The following SH3GL3 variants were observed in gnomAD, a reference collection of about 807,000 sequenced individuals.
SH3GL3 encodes SH3 domain containing GRB2 like 3, endophilin A3, also known as endophilin-A3.
SH3GL3 carries 33 observed loss-of-function variants against 47.7 expected under a neutral mutation model. That is an observed-to-expected ratio of 0.69 (90% CI 0.52 to 0.92). SH3GL3 has a LOEUF of 0.92. Among genes scored for constraint, SH3GL3 ranks in the 40% least tolerant of loss-of-function variants. The probability of loss-of-function intolerance (pLI) is 0.00; values close to 1 mark genes in which losing one functional copy is unlikely to be tolerated. For synonymous variants in SH3GL3, 155 were observed against 148.8 expected (o/e 1.04, Z -0.30); for missense variants, 363 against 417.8 (o/e 0.87, Z 1.14).
At chr15:83,555,134 C>T (rs550758278) in intron 1 of SH3GL3, among the ~76,000 whole-genome samples, 129 of 152,092 alleles carry the variant, frequency 8.5e-4, no homozygotes, top group African/African-American at 2.8e-3. Context: ...TTCCTGATTG[C>T]GCCCAGGCTG....
At chr15:83,497,819 G>A (rs2042141108) in intron 1 of SH3GL3, among the ~76,000 whole-genome samples, 1 of 152,180 alleles carries the variant, frequency 6.6e-6, no homozygotes, top group African/African-American at 2.4e-5. Context: ...GCAGGCATTT[G>A]TGTCTTTATT....
At chr15:83,583,611 A>G (rs769897561) in intron 6 of SH3GL3, among the ~76,000 whole-genome samples, 1 of 152,172 alleles carries the variant, frequency 6.6e-6, no homozygotes, top group Non-Finnish European at 1.5e-5. Context: ...CCCCAGGACT[A>G]AGATACTCCC....
intron 8 of SH3GL3, among the ~76,000 whole-genome samples, chr15:83,613,572 T>A (rs2060727462): frequency 6.6e-6 from 1 of 152,110 alleles, no homozygotes; most frequent in Admixed American, 6.5e-5. Flanking sequence ...CACTAAGCAT[T>A]TTGGTCATTG....
chr15:83,465,637 G>T (rs1342021143), intron 1 of SH3GL3, among the ~76,000 whole-genome samples: 1 of 151,870 alleles, frequency 6.6e-6, no homozygotes, highest in Non-Finnish European at 1.5e-5. Flanking sequence ...ACAGATTAAG[G>T]TCTCCTTTTA....
chr15:83,527,012 T>C (rs778196469), intron 1 of SH3GL3, among the ~76,000 whole-genome samples: 1 of 152,218 alleles, frequency 6.6e-6, no homozygotes, highest in Non-Finnish European at 1.5e-5. Flanking sequence ...CTTTTTCAGC[T>C]ATTTATTATA....
rs71156085 is a variant in SH3GL3, at chr15:83,541,312, A to AT, written c.46-17902dup. 1.4e-3 allele frequency among the ~76,000 whole-genome samples: 67 copies of AT among 47,360 alleles called. 21 individuals carry two copies. Among genetic ancestry groups the AT allele is most frequent in the South Asian group, 2.9e-3 (2 of 694 alleles). The allele number at this position is 47,360 out of a possible 152,430, so 31.1% of individuals were successfully genotyped here. On this transcript the variant is annotated intron_variant, in intron 1 of 8. Transcript: ENST00000427482. ...GATGGCTGGATCATATGGTAATTCT[A>AT]TTTTTTTTTTTTTTTTTTTTTTTTT... is the stretch of plus-strand genomic sequence containing the variant.
chr15:83,488,473 G>A (rs1164860927), intron 1 of SH3GL3, among the ~76,000 whole-genome samples: 1 of 152,202 alleles, frequency 6.6e-6, no homozygotes, highest in Admixed American at 6.5e-5. Context: ...AGGCTTTTGT[G>A]GAGGAGCAGT....
At position 83,576,737 on chromosome 15, in the gene SH3GL3, A is replaced by T; in HGVS notation, c.620A>T (p.Asn207Ile). 2 of 1,596,248 alleles carry T rather than the reference A, an allele frequency of 1.3e-6. No individual in the cohort carries two copies. The highest frequency in any genetic ancestry group is 1.7e-6 in the Non-Finnish European group (2 of 1,168,760). The change falls in exon 6 of 9, where the codon AAT becomes ATT. Residue 207 changes from asparagine to isoleucine, a missense_variant. By Grantham distance (149) the Asn-to-Ile change is moderately radical. Coordinates refer to ENST00000427482, the MANE Select transcript of SH3GL3 (RefSeq NM_003027.5). ...AGAAGCATGTTTAACTTTTTAGAAA[A>T]TGATGTAAGTATTTAAACCAAATAG... Reference protein sequence around the residue: ...AERSMFNFLENDVEQVSQLAV... With the variant: ...AERSMFNFLEIDVEQVSQLAV...
intron 1 of SH3GL3, among the ~76,000 whole-genome samples, chr15:83,529,741 T>C (rs1326050522): frequency 1.3e-5 from 2 of 151,560 alleles, no homozygotes; most frequent in Non-Finnish European, 1.5e-5. Context: ...TGGCTGTTAG[T>C]GGGAGTGACC....
At chr15:83,520,276 A>G (rs2043151591) in intron 1 of SH3GL3, among the ~76,000 whole-genome samples, 1 of 152,240 alleles carries the variant, frequency 6.6e-6, no homozygotes, top group African/African-American at 2.4e-5. Context: ...GGGGAGAGAC[A>G]CTATATCTTC....
Position 83,463,326 on chromosome 15 carries a change from C to T in SH3GL3, c.45+15748C>T, listed in dbSNP as rs532436540. Among the ~76,000 whole-genome samples the T allele has an allele frequency of 1.8e-4, 27 of 152,004 alleles. No homozygotes were observed. The South Asian group carries it at 2.5e-3, about 14-fold the overall frequency. ...AATGGCATCTCCACCAATGAACTGACGCTGACTCTGGCTTTGAGCTTCTGG... is the reference window on the plus strand; with the variant it reads ...AATGGCATCTCCACCAATGAACTGATGCTGACTCTGGCTTTGAGCTTCTGG... On this transcript the variant is annotated intron_variant, in intron 1 of 8. Coordinates refer to ENST00000427482, the MANE Select transcript of SH3GL3 (RefSeq NM_003027.5).
At chr15:83,596,441 A>G (rs1567023981) in intron 8 of SH3GL3, among the ~76,000 whole-genome samples, 1 of 152,074 alleles carries the variant, frequency 6.6e-6, no homozygotes, top group East Asian at 1.9e-4. Flanking sequence ...TTTTTGGTCT[A>G]TGTTTTCCTA....
chr15:83,625,706 A>AT, the SH3GL3 span, among the ~76,000 whole-genome samples: 4 of 151,692 alleles, frequency 2.6e-5, no homozygotes, highest in African/African-American at 7.3e-5. Context: ...GATTTTATCC[A>AT]TTTTTTTCTC....
rs1287144036 is a variant in SH3GL3 at position 83,466,184 on chromosome 15, C to T, written c.45+18606C>T. Among the ~76,000 whole-genome samples the T allele has an allele frequency of 2.6e-5, 4 of 152,210 alleles. No individual in the cohort carries two copies. The East Asian group carries it at 7.7e-4, about 29-fold the overall frequency. On this transcript the variant is annotated intron_variant, in intron 1 of 8. Transcript: ENST00000427482. The stretch of plus-strand genomic sequence containing the variant: ...AAGTGTCAGCGTAATACTATATTCA[C>T]CCAGGTTGTTGTGTATATCAATAGT...
chr15:83,572,036 C>A (rs1340949106), intron 4 of SH3GL3, among the ~76,000 whole-genome samples: 4 of 152,168 alleles, frequency 2.6e-5, no homozygotes, highest in Non-Finnish European at 2.9e-5. Flanking sequence ...GTGACACTGG[C>A]AGGCTTTCTT....
At chr15:83,568,471 A>G (rs534860330) in intron 3 of SH3GL3, 58 bp from the exon 4 acceptor site, 1 of 1,459,348 alleles carries the variant, frequency 6.9e-7, no homozygotes, top group South Asian at 1.2e-5. Context: ...ATTAAATTCT[A>G]TGTACCTGTC....
chr15:83,457,583 C>T (rs1338169805), intron 1 of SH3GL3, among the ~76,000 whole-genome samples: 1 of 152,184 alleles, frequency 6.6e-6, no homozygotes, highest in East Asian at 1.9e-4. Flanking sequence ...TCATGAGATT[C>T]TCTAGGGAGG....
At chr15:83,460,299 G>C (rs557348725) in intron 1 of SH3GL3, among the ~76,000 whole-genome samples, 4 of 151,650 alleles carry the variant, frequency 2.6e-5, no homozygotes, top group Admixed American at 2.0e-4. Flanking sequence ...ATTGTTCCAT[G>C]TAACCAGGCA....
At chr15:83,596,317 G>T (rs912563049) in intron 8 of SH3GL3, among the ~76,000 whole-genome samples, 1 of 152,142 alleles carries the variant, frequency 6.6e-6, no homozygotes, top group African/African-American at 2.4e-5. Flanking sequence ...TAAATGATCT[G>T]TGTACACTTG....
Sources: gnomAD v4.1 joint callset for allele counts (sites outside exome capture counted in the v4.1 genomes callset) on GRCh38, gnomAD v4.1.1 for gene constraint, MANE v1.5 for transcripts, NCBI Gene and HGNC (gene_info 2026-07-23, HGNC 2026-07-21) for gene names.